Variants in PKHD1L1 observed in about 807,000 individuals in gnomAD.
The protein encoded by PKHD1L1 is PKHD1 like 1, also known as fibrocystin-L.
In PKHD1L1, 434 loss-of-function variants were observed where a neutral mutation model predicts 462.9. The ratio of observed to expected loss-of-function variants is 0.94; its 90% CI spans 0.87 to 1.02. The LOEUF (loss-of-function observed/expected upper bound fraction) is 1.02, where lower values mean the gene tolerates loss of function less well. PKHD1L1 is among the 50% of genes least tolerant of loss of function. The pLI, the probability that PKHD1L1 is intolerant of heterozygous loss-of-function variation, is 0.00. For missense variants in PKHD1L1, 5,202 were observed against 5,096.1 expected, an observed-to-expected ratio of 1.02 and a Z score of -0.63; for synonymous variants, 1,781 against 1,750.0, an observed-to-expected ratio of 1.02 and a Z score of -0.44.
chr8:109,518,533 G>A (rs745744324), intron 73 of PKHD1L1, 25 bp downstream of exon 73: 44 of 1,544,346 alleles, frequency 2.8e-5, no homozygotes, highest in Middle Eastern at 3.4e-4. Flanking sequence ...TGTTTGAGAT[G>A]GAGGAATGCA....
chr8:109,381,296 A>AT, intron 2 of PKHD1L1, 74 bp from the exon 3 acceptor site: 1 of 1,215,988 alleles, frequency 8.2e-7, no homozygotes, highest in Non-Finnish European at 1.2e-6. Context: ...GCATGATTTG[A>AT]TACTAGGTGA....
chr8:109,452,831 G>T lies in PKHD1L1; in HGVS notation c.6621G>T (p.Leu2207=), dbSNP rs1673404. ...TTATTACAAAAGGACAGACCATTCT[G>T]CTGGATCAAAGCACCCCTATTTTGA... The part of the protein sequence containing the change: ...LVVITKGQTI[L]LDQSTPILKM... Residue 2207 remains leucine (L), a synonymous_variant, in exon 43 of 78, where the codon CTG becomes CTT. Transcript: ENST00000378402. 11 of 1,520,394 alleles carry T rather than the reference G, an allele frequency of 7.2e-6. No homozygotes were observed. In the Admixed American group the frequency reaches 2.1e-4, roughly 28 times the overall value. The allele number at this position is 1,520,394 out of a possible 1,614,324, so 94.2% of individuals were successfully genotyped here. A position where few individuals can be genotyped will look rare whatever the true frequency, so the allele number is the denominator to read the frequency against.
intron 31 of PKHD1L1, 56 bp downstream of exon 31, chr8:109,438,512 A>G (rs1815572150): frequency 2.1e-6 from 3 of 1,452,454 alleles, no homozygotes; most frequent in Admixed American, 2.7e-5. Flanking sequence ...AAACATTTCT[A>G]GAAAGGCTTT....
At position 109,450,986 on chromosome 8, in the gene PKHD1L1, G is replaced by A. The variant is rs773585831; in HGVS notation, c.6187G>A (p.Glu2063Lys). 17 of 1,607,748 alleles carry A rather than the reference G, an allele frequency of 1.1e-5. No homozygotes were observed. The highest frequency in any genetic ancestry group is 1.7e-5 in the Admixed American group (1 of 59,854). Residue 2063 changes from glutamate (E) to lysine (K), a missense_variant, in exon 41 of 78, where the codon GAG becomes AAG. This residue lies in a region of PKHD1L1 where 4,497 missense variants were observed against 4,336.8 expected (regional missense o/e 1.04). Transcript: ENST00000378402. ...TCTTCCTTTCATAGGCACGGGAGCT[G>A]AGCAAGCCTGTGAAGTGAGTGTGGT... The part of the protein sequence containing the change: ...EIPSNNGTGA[E>K]QACEVSVVNG...
intron 2 of PKHD1L1, among the ~76,000 whole-genome samples, chr8:109,374,167 T>C (rs1237416661): frequency 6.6e-6 from 1 of 152,198 alleles, no homozygotes; most frequent in Admixed American, 6.5e-5. Context: ...AGGACTTGAT[T>C]TATGAATCTG....
At chr8:109,467,058 G>C (rs1191238940) in intron 50 of PKHD1L1, among the ~76,000 whole-genome samples, 1 of 152,050 alleles carries the variant, frequency 6.6e-6, no homozygotes, top group South Asian at 2.1e-4. Context: ...ATGTACCAGT[G>C]TTCCTGCCAC....
chr8:109,419,227 A>G lies in PKHD1L1; in HGVS notation c.2491A>G (p.Ile831Val), dbSNP rs774668496. 1 of 1,610,782 alleles carries G rather than the reference A, an allele frequency of 6.2e-7. No individual in the cohort carries two copies. Among genetic ancestry groups the G allele is most frequent in the Non-Finnish European group, 8.5e-7 (1 of 1,178,052 alleles). The stretch of plus-strand genomic sequence containing the variant: ...GTCCTTCTATGTGGATGTAGTGTAC[A>G]TTGGACACACATCTACAATCTCAAC... The part of the protein sequence containing the change: ...SQSFYVDVVY[I>V]GHTSTISTLD... The change falls in exon 22 of 78, where the codon ATT (isoleucine) becomes GTT (valine). Residue 831 changes from isoleucine (I) to valine (V), a missense_variant. Transcript: ENST00000378402.
chr8:109,463,779 C>A (rs1817264841), intron 48 of PKHD1L1, among the ~76,000 whole-genome samples: 1 of 152,090 alleles, frequency 6.6e-6, no homozygotes, highest in African/African-American at 2.4e-5. Flanking sequence ...ATGGTAAGTG[C>A]CTACTTTAGG....
intron 46 of PKHD1L1, 71 bp from the exon 47 acceptor site, chr8:109,459,523 AC>A: frequency 8.9e-6 from 11 of 1,241,152 alleles, no homozygotes; most frequent in Non-Finnish European, 1.1e-5. Context: ...AATGAATAAA[AC>A]AAATATACCA....
At position 109,537,097 on chromosome 8, in the gene PKHD1L1, C is replaced by A. The variant is rs1333362691; in HGVS notation, c.*7007C>A. ...CAAATGTATCTGCTCAAAGATGTCA[C>A]TCTATGTGCGGCAAAGCTTTGTTTT... is the stretch of plus-strand genomic sequence containing the variant. On this transcript the variant is annotated 3_prime_UTR_variant, in exon 78 of 78. Coordinates refer to ENST00000378402, the MANE Select transcript of PKHD1L1 (RefSeq NM_177531.6). 6.6e-6 allele frequency among the ~76,000 whole-genome samples: 1 copy of A among 152,186 alleles called. No individual in the cohort carries two copies. The highest frequency in any genetic ancestry group is 1.5e-5 in the Non-Finnish European group (1 of 68,044).
At chr8:109,383,572 G>A (rs769132908) in intron 4 of PKHD1L1, among the ~76,000 whole-genome samples, 15 of 148,254 alleles carry the variant, frequency 1.0e-4, no homozygotes, top group African/African-American at 7.5e-5. Context: ...AATATAAGAT[G>A]AAATACTGAA....
intron 60 of PKHD1L1, 142 bp from the exon 61 acceptor site, chr8:109,490,830 T>C (rs904772903): frequency 1.5e-6 from 1 of 667,768 alleles, no homozygotes; most frequent in Non-Finnish European, 2.2e-6. Context: ...TAAAGACTTA[T>C]GGAGAAATCA....
At chr8:109,410,726 C>CTTTTTTTTTTTTTTTTTTGT (rs1813800320) in intron 19 of PKHD1L1, among the ~76,000 whole-genome samples, 1 of 68,396 alleles carries the variant, frequency 1.5e-5, no homozygotes, top group African/African-American at 8.2e-5. Flanking sequence ...TTTTCTTTTT[C>CTTTTTTTTTTTTTTTTTTGT]TTTTTTTTTT....
At chr8:109,417,908 T>C (rs1411106606) in intron 21 of PKHD1L1, among the ~76,000 whole-genome samples, 1 of 152,150 alleles carries the variant, frequency 6.6e-6, no homozygotes, top group Admixed American at 6.5e-5. Flanking sequence ...CTGGATCAAG[T>C]AGATGTATTA....
chr8:109,442,760 C>G (rs1815872971), intron 35 of PKHD1L1, among the ~76,000 whole-genome samples, 186 bp from the exon 36 acceptor site: 1 of 152,210 alleles, frequency 6.6e-6, no homozygotes, highest in South Asian at 2.1e-4. Flanking sequence ...AATGTAATTT[C>G]GTTACACAAG....
chr8:109,463,046 C>T (rs1187059186), intron 48 of PKHD1L1, among the ~76,000 whole-genome samples: 1 of 152,058 alleles, frequency 6.6e-6, no homozygotes, highest in Non-Finnish European at 1.5e-5. Context: ...TTATTTTCAA[C>T]CTCTTCCTCT....
intron 47 of PKHD1L1, among the ~76,000 whole-genome samples, chr8:109,461,075 G>C (rs959487720): frequency 1.3e-5 from 2 of 152,180 alleles, no homozygotes; most frequent in Non-Finnish European, 2.9e-5. Flanking sequence ...GAATTTTAGT[G>C]ATGTTTATAT....
intron 2 of PKHD1L1, among the ~76,000 whole-genome samples, chr8:109,373,961 GA>G (rs1022286535): frequency 2.0e-5 from 3 of 152,112 alleles, no homozygotes; most frequent in Admixed American, 6.6e-5. Context: ...GTGTGGTGCT[GA>G]AAAAAATGTA....
chr8:109,517,376 T>C (rs1411412446), intron 72 of PKHD1L1, among the ~76,000 whole-genome samples: 1 of 152,150 alleles, frequency 6.6e-6, no homozygotes, highest in Non-Finnish European at 1.5e-5. Context: ...TTTTAATTTC[T>C]TTTTCCTAGT....
Sources: allele counts gnomAD v4.1 joint callset (sites outside exome capture counted in the v4.1 genomes callset), GRCh38; gene constraint gnomAD v4.1.1; regional missense constraint gnomAD v4.1.1; transcripts MANE v1.5; gene names NCBI Gene and HGNC (gene_info 2026-07-23, HGNC 2026-07-21).